HTRA3: variants seen among roughly 807,000 people sequenced by gnomAD.
The protein encoded by HTRA3 is serine protease HTRA3.
In HTRA3, 41 loss-of-function variants were observed where a neutral mutation model predicts 43.2. The observed-to-expected ratio is 0.95, with a 90% CI of 0.74 to 1.23. HTRA3 has a LOEUF of 1.23. Among genes scored for constraint, HTRA3 ranks in the 50% most tolerant of loss-of-function variants. The probability of loss-of-function intolerance (pLI) is 0.00; values close to 1 mark genes in which losing one functional copy is unlikely to be tolerated. For synonymous variants in HTRA3, 295 were observed against 287.9 expected, an observed-to-expected ratio of 1.02 and a Z score of -0.25; for missense variants, 628 against 647.1, an observed-to-expected ratio of 0.97 and a Z score of 0.32.
Position 8,292,004 on chromosome 4 carries a change from G to GC in HTRA3, c.904-310dup, listed in dbSNP as rs541709486. ...GCTGGAATCCGAGTCTTTGTAGAGG[G>GC]CCCCCCCAGGCCAGCAGGATGGGAA... On this transcript the variant is annotated intron_variant, in intron 4 of 8. Transcript: ENST00000307358. 3.6e-3 allele frequency among the ~76,000 whole-genome samples: 544 copies of GC among 152,218 alleles called. 3 individuals are homozygous for GC. Among genetic ancestry groups the GC allele is most frequent in the African/African-American group, 0.012 (519 of 41,538 alleles).
Position 8,306,293 on chromosome 4 carries a change from C to G in HTRA3, c.*157C>G. On this transcript the variant is annotated 3_prime_UTR_variant, in exon 9 of 9. Transcript: ENST00000307358. The surrounding 1 kb of genome is among the most constrained non-coding windows in gnomAD (Gnocchi z 8.9). Reference sequence around the variant, plus strand: ...AGCGGAGGCTGGGCTTGGCCAGGGGCCCGAATTTCCGCCTGGGGAGTGTTG... The same window carrying G: ...AGCGGAGGCTGGGCTTGGCCAGGGGGCCGAATTTCCGCCTGGGGAGTGTTG... The G allele has an allele frequency of 1.4e-6, 1 of 731,954 alleles. No homozygotes were observed. Among genetic ancestry groups the G allele is most frequent in the Non-Finnish European group, 2.1e-6 (1 of 475,592 alleles). 45.3% of individuals were successfully genotyped at this position (731,954 alleles called of 1,614,324 possible).
At position 8,297,781 on chromosome 4, in the gene HTRA3, C is replaced by G. The variant is rs1254971568; in HGVS notation, c.1051+3580C>G. ...CCTAGAGAGTGATCCCCCGGATTTA[C>G]GCCTCCAGCCTGGCCCCTCCTGCTC... On this transcript the variant is annotated intron_variant, in intron 6 of 8. Transcript: ENST00000307358. The surrounding 1 kb of genome is among the most constrained non-coding windows in gnomAD (Gnocchi z 5.8). 6.6e-6 allele frequency among the ~76,000 whole-genome samples: 1 copy of G among 152,118 alleles called. No homozygotes were observed. The highest frequency in any genetic ancestry group is 2.4e-5 in the African/African-American group (1 of 41,410).
At chr4:8,288,569 C>T (rs1038779365) in intron 3 of HTRA3, among the ~76,000 whole-genome samples, 1 of 125,726 alleles carries the variant, frequency 8.0e-6, no homozygotes, top group Non-Finnish European at 1.6e-5. Context: ...ACCACCGTGC[C>T]TAGCCTTTTT....
intron 3 of HTRA3, among the ~76,000 whole-genome samples, chr4:8,289,175 C>T (rs1578799004): frequency 1.3e-5 from 2 of 151,560 alleles, no homozygotes; most frequent in Non-Finnish European, 2.9e-5. Flanking sequence ...GTCTAGAACT[C>T]GTGGGCTCAA....
chr4:8,295,646 C>T lies in HTRA3; in HGVS notation c.1051+1445C>T. On this transcript the variant is annotated intron_variant, in intron 6 of 8. Coordinates refer to ENST00000307358, the MANE Select transcript of HTRA3 (RefSeq NM_053044.5). This position sits in a 1 kb window ranked among gnomAD's most constrained non-coding sequence, Gnocchi z 6.9. ...GCCCACCTCCTGGCCAACGCCCAGG[C>T]CTGACTCAGCAACTCACACTTCCAC... The T allele has an allele frequency of 7.3e-7, 1 of 1,363,670 alleles. No homozygotes were observed. The highest frequency in any genetic ancestry group is 9.5e-7 in the Non-Finnish European group (1 of 1,051,714). 84.5% of individuals were successfully genotyped at this position (1,363,670 alleles called of 1,614,324 possible).
chr4:8,288,878 T>TTTCCTTCC (rs202091323), intron 3 of HTRA3, among the ~76,000 whole-genome samples: 9,952 of 117,890 alleles, frequency 0.084, 1,465 homozygotes, highest in African/African-American at 0.16. Flanking sequence ...ACCCCCAAAT[T>TTTCCTTCC]TTCCTTCCTT....
At chr4:8,291,586 C>A (rs1713244892) in intron 4 of HTRA3, 22 bp downstream of exon 4, 1 of 1,519,146 alleles carries the variant, frequency 6.6e-7, no homozygotes, top group East Asian at 2.4e-5. Flanking sequence ...GGACAGGAGG[C>A]CGGGGCACCT....
At chr4:8,273,252 G>A (rs1215602848) in intron 1 of HTRA3, among the ~76,000 whole-genome samples, 2 of 152,224 alleles carry the variant, frequency 1.3e-5, no homozygotes, top group Admixed American at 6.5e-5. Context: ...CTGGGCCCCC[G>A]GCTCCATCAG....
At chr4:8,293,909 G>A (rs1470440421) in intron 5 of HTRA3, among the ~76,000 whole-genome samples, 178 bp from the exon 6 acceptor site, 1 of 152,116 alleles carries the variant, frequency 6.6e-6, no homozygotes, top group East Asian at 1.9e-4. Flanking sequence ...GATTTGGAGA[G>A]GTAGGGTCAC....
chr4:8,287,094 G>C (rs116022606), intron 3 of HTRA3, among the ~76,000 whole-genome samples: 1,893 of 152,214 alleles, frequency 0.012, 34 homozygotes, highest in African/African-American at 0.043. Flanking sequence ...GTCTTACCTG[G>C]GCCCACTACT....
Position 8,286,030 on chromosome 4 carries a change from C to A in HTRA3, c.486-531C>A, listed in dbSNP as rs1237237816. Among the ~76,000 whole-genome samples, 6 of 152,220 alleles carry A rather than the reference C, an allele frequency of 3.9e-5. No individual in the cohort carries two copies. Among genetic ancestry groups the A allele is most frequent in the African/African-American group, 1.4e-4 (6 of 41,464 alleles). On this transcript the variant is annotated intron_variant, in intron 2 of 8. Transcript: ENST00000307358. This position sits in a 1 kb window ranked among gnomAD's most constrained non-coding sequence, Gnocchi z 4.9. ...GTACCTGCTGCAGCCCTGCAGGATGCTGTGTGTGCAATGGGGCTTTTCCCC... is the reference window on the plus strand; with the variant it reads ...GTACCTGCTGCAGCCCTGCAGGATGATGTGTGTGCAATGGGGCTTTTCCCC...
intron 1 of HTRA3, among the ~76,000 whole-genome samples, chr4:8,278,413 C>G (rs547238540): frequency 4.0e-5 from 6 of 149,106 alleles, no homozygotes; most frequent in Non-Finnish European, 8.9e-5. Flanking sequence ...AAAAGGCTAA[C>G]GGCTGAATCT....
chr4:8,292,370 G>A lies in HTRA3; in HGVS notation c.936+17G>A, dbSNP rs2153006134. On this transcript the variant is annotated intron_variant, in intron 5 of 8. Coordinates refer to ENST00000307358, the MANE Select transcript of HTRA3 (RefSeq NM_053044.5). ...GTGAACCTGGTAAGTGTCCCCTAGAGCCAAAATCTCTCAGGTTTCTGGGGT... is the reference window on the plus strand; with the variant it reads ...GTGAACCTGGTAAGTGTCCCCTAGAACCAAAATCTCTCAGGTTTCTGGGGT... The A allele has an allele frequency of 1.2e-6, 2 of 1,610,608 alleles. No individual in the cohort carries two copies. Among genetic ancestry groups the A allele is most frequent in the East Asian group, 4.5e-5 (2 of 44,802 alleles).
intron 6 of HTRA3, among the ~76,000 whole-genome samples, chr4:8,299,449 T>C (rs1713562123): frequency 1.3e-5 from 2 of 152,212 alleles, no homozygotes; most frequent in African/African-American, 4.8e-5. Flanking sequence ...ACAGTTTTAC[T>C]TCTTCCTTTC....
At position 8,291,102 on chromosome 4, in the gene HTRA3, A is replaced by G. The variant is rs375098957; in HGVS notation, c.709-268A>G. ...CCTTGGAGGCTGTGCTCAGCTGCAC[A>G]TGATGAGCACCCATGCCTGCCCTGG... On this transcript the variant is annotated intron_variant, in intron 3 of 8. Transcript: ENST00000307358. Among the ~76,000 whole-genome samples the G allele has an allele frequency of 7.9e-5, 12 of 152,346 alleles. No homozygotes were observed. In the East Asian group the frequency reaches 2.1e-3, roughly 27 times the overall value.
chr4:8,283,020 A>G (rs1466831337), intron 2 of HTRA3, among the ~76,000 whole-genome samples: 1 of 152,120 alleles, frequency 6.6e-6, no homozygotes, highest in Non-Finnish European at 1.5e-5. Flanking sequence ...GAGCTGGGCC[A>G]GTGGATGCAG....
chr4:8,282,579 C>A, intron 2 of HTRA3, 43 bp downstream of exon 2: 2 of 1,427,696 alleles, frequency 1.4e-6, no homozygotes, highest in South Asian at 1.2e-5. Flanking sequence ...CTGGTGTCCC[C>A]TGGTACACCC....
intron 5 of HTRA3, among the ~76,000 whole-genome samples, chr4:8,293,732 G>T (rs1269689257): frequency 6.6e-6 from 1 of 152,130 alleles, no homozygotes; most frequent in Non-Finnish European, 1.5e-5. Context: ...TCCCCGACAG[G>T]CCTTACCATG....
chr4:8,286,493 C>A lies in HTRA3; in HGVS notation c.486-68C>A. ...CTCTGCTCCTCGCTGACCAGCCCCA[C>A]CACTGCGCCTGACTCCCCCGCGTCC... On this transcript the variant is annotated intron_variant, in intron 2 of 8. Coordinates refer to ENST00000307358, the MANE Select transcript of HTRA3 (RefSeq NM_053044.5). This position sits in a 1 kb window ranked among gnomAD's most constrained non-coding sequence, Gnocchi z 4.9. 7.7e-7 allele frequency: 1 copy of A among 1,291,036 alleles called. No homozygotes were observed. 80.0% of individuals were successfully genotyped at this position (1,291,036 alleles called of 1,614,324 possible).
Sources: gnomAD v4.1 joint callset for allele counts (sites outside exome capture counted in the v4.1 genomes callset) on GRCh38, gnomAD v4.1.1 for gene constraint, Gnocchi (gnomAD v3.1) non-coding constraint, MANE v1.5 for transcripts, NCBI Gene and HGNC (gene_info 2026-07-23, HGNC 2026-07-21) for gene names.